JAKMIP2: variants seen among roughly 807,000 people sequenced by gnomAD.
The protein encoded by JAKMIP2 is janus kinase and microtubule interacting protein 2.
A neutral mutation model predicts 115.0 loss-of-function variants in JAKMIP2; 25 were observed. The observed-to-expected ratio is 0.22, with a 90% CI of 0.16 to 0.30. The LOEUF (loss-of-function observed/expected upper bound fraction) is 0.30. JAKMIP2 is among the 10% of genes least tolerant of loss of function. The pLI is 1.00. For synonymous variants in JAKMIP2, 334 were observed against 343.6 expected, an observed-to-expected ratio of 0.97 and a Z score of 0.31; for missense variants, 642 against 957.6, an observed-to-expected ratio of 0.67 and a Z score of 4.35.
intron 1 of JAKMIP2, among the ~76,000 whole-genome samples, chr5:147,681,984 G>T (rs1401063882): frequency 6.6e-6 from 1 of 150,960 alleles, no homozygotes; most frequent in Non-Finnish European, 1.5e-5. Flanking sequence ...AGGTTGCAGT[G>T]AGCTGAGGTC....
chr5:147,742,138 A>ATTTT lies in JAKMIP2; in HGVS notation c.-149+40317_-149+40318insAAAA, dbSNP rs1408221116. On this transcript the variant is annotated intron_variant, in intron 1 of 21. Transcript: ENST00000616793. ...TTGTTCCGCATTAGCCCTGTGGATC[A>ATTTT]TTATATATATATATATATTTTTTTT... Among the ~76,000 whole-genome samples, 5 of 102,364 alleles carry ATTTT rather than the reference A, an allele frequency of 4.9e-5. No homozygotes were observed. In the East Asian group the frequency reaches 2.0e-3, roughly 40 times the overall value. 67.2% of individuals were successfully genotyped at this position (102,364 alleles called of 152,430 possible).
intron 20 of JAKMIP2, among the ~76,000 whole-genome samples, chr5:147,602,479 G>A (rs535750546): frequency 6.6e-6 from 1 of 152,124 alleles, no homozygotes; most frequent in South Asian, 2.1e-4. Flanking sequence ...TGCATCAATG[G>A]GCATTTCACA....
intron 7 of JAKMIP2, among the ~76,000 whole-genome samples, chr5:147,643,572 T>C (rs1160105531): frequency 6.6e-6 from 1 of 152,224 alleles, no homozygotes; most frequent in African/African-American, 2.4e-5. Flanking sequence ...TCAGAAAATC[T>C]GGGCTGAAAT....
At chr5:147,706,111 A>C (rs1752550148) in intron 1 of JAKMIP2, among the ~76,000 whole-genome samples, 1 of 152,218 alleles carries the variant, frequency 6.6e-6, no homozygotes, top group Non-Finnish European at 1.5e-5. Context: ...CCTAAATATT[A>C]GTATCTATAG....
At chr5:147,613,017 C>T (rs1404808026) in intron 19 of JAKMIP2, among the ~76,000 whole-genome samples, 1 of 152,190 alleles carries the variant, frequency 6.6e-6, no homozygotes, top group African/African-American at 2.4e-5. Context: ...CAGGAGGGAA[C>T]TGGTAAATTA....
At position 147,775,951 on chromosome 5, in the gene JAKMIP2, T is replaced by C. The variant is rs114936433; in HGVS notation, c.-149+6505A>G. 7.1e-3 allele frequency among the ~76,000 whole-genome samples: 1,074 copies of C among 152,162 alleles called. 6 individuals are homozygous for C. The highest frequency in any genetic ancestry group is 0.011 in the Non-Finnish European group (738 of 67,984). On this transcript the variant is annotated intron_variant, in intron 1 of 21. Coordinates refer to ENST00000616793, the MANE Select transcript of JAKMIP2 (RefSeq NM_001270941.2). The stretch of plus-strand genomic sequence containing the variant: ...ATAAATAGCTCTGTAATTACAACTT[T>C]TGATACGTATTATGAAGGAAACACA...
chr5:147,728,809 T>C (rs1753615583), intron 1 of JAKMIP2, among the ~76,000 whole-genome samples: 1 of 152,212 alleles, frequency 6.6e-6, no homozygotes, highest in South Asian at 2.1e-4. Context: ...AAACTGCTTC[T>C]CTGACTTTTG....
At chr5:147,689,821 T>G (rs565482904) in intron 1 of JAKMIP2, among the ~76,000 whole-genome samples, 1 of 152,272 alleles carries the variant, frequency 6.6e-6, no homozygotes, top group South Asian at 2.1e-4. Context: ...TCAATGAATA[T>G]TCACTGCATA....
At chr5:147,594,696 G>A (rs1306088220) in intron 21 of JAKMIP2, among the ~76,000 whole-genome samples, 1 of 152,070 alleles carries the variant, frequency 6.6e-6, no homozygotes, top group South Asian at 2.1e-4. Context: ...GCATCTGTAA[G>A]GGCACCACCG....
At chr5:147,593,498 G>A (rs1019738545) in intron 21 of JAKMIP2, among the ~76,000 whole-genome samples, 4 of 152,192 alleles carry the variant, frequency 2.6e-5, no homozygotes, top group African/African-American at 9.7e-5. Context: ...CCTTGAAGAG[G>A]AAGAGAAGAG....
At chr5:147,641,531 T>C (rs1273956658) in intron 8 of JAKMIP2, among the ~76,000 whole-genome samples, 177 bp downstream of exon 8, 5 of 152,182 alleles carry the variant, frequency 3.3e-5, no homozygotes, top group Non-Finnish European at 7.3e-5. Context: ...CATAATCATT[T>C]TTAGACTTCG....
intron 9 of JAKMIP2, among the ~76,000 whole-genome samples, chr5:147,640,154 T>TC (rs1327793111): frequency 6.6e-6 from 1 of 151,896 alleles, no homozygotes; most frequent in East Asian, 1.9e-4. Context: ...AGCAACTTGT[T>TC]TTTTCCCCCA....
chr5:147,689,271 T>C (rs1373535512), intron 1 of JAKMIP2, among the ~76,000 whole-genome samples: 1 of 152,088 alleles, frequency 6.6e-6, no homozygotes, highest in Admixed American at 6.5e-5. Flanking sequence ...CATGCTGTGC[T>C]TTTTAGGCCA....
chr5:147,703,981 A>T (rs1208232427), intron 1 of JAKMIP2, among the ~76,000 whole-genome samples: 1 of 152,114 alleles, frequency 6.6e-6, no homozygotes, highest in Admixed American at 6.6e-5. Context: ...TTAGGCCTGC[A>T]CAGGGTCAGG....
chr5:147,623,041 C>G (rs1021671339), intron 17 of JAKMIP2, among the ~76,000 whole-genome samples: 2 of 152,090 alleles, frequency 1.3e-5, no homozygotes, highest in Non-Finnish European at 2.9e-5. Context: ...TTGCCTCAGC[C>G]CCCTGAGTAG....
chr5:147,618,670 G>A (rs781397782), intron 18 of JAKMIP2, among the ~76,000 whole-genome samples: 4 of 152,070 alleles, frequency 2.6e-5, no homozygotes, highest in South Asian at 2.1e-4. Context: ...CCCGAGAGGC[G>A]GAAGTTGCAG....
At chr5:147,756,412 T>C (rs564221466) in intron 1 of JAKMIP2, among the ~76,000 whole-genome samples, 41 of 152,340 alleles carry the variant, frequency 2.7e-4, no homozygotes, top group African/African-American at 9.9e-4. Flanking sequence ...CGTTACCTTC[T>C]GAGCTATTCA....
chr5:147,773,719 T>C (rs1425446807), intron 1 of JAKMIP2, among the ~76,000 whole-genome samples: 2 of 152,162 alleles, frequency 1.3e-5, no homozygotes, highest in African/African-American at 2.4e-5. Context: ...ATTTGGATAC[T>C]GGACTCTTAA....
intron 1 of JAKMIP2, among the ~76,000 whole-genome samples, chr5:147,734,930 C>T (rs1172015288): frequency 6.6e-6 from 1 of 152,100 alleles, no homozygotes; most frequent in South Asian, 2.1e-4. Flanking sequence ...GGAGGTATCC[C>T]GAGGCCCTTG....
Sources: allele counts gnomAD v4.1 joint callset (sites outside exome capture counted in the v4.1 genomes callset), GRCh38; gene constraint gnomAD v4.1.1; transcripts MANE v1.5; gene names NCBI Gene and HGNC (gene_info 2026-07-23, HGNC 2026-07-21).